MAPKAPK2: variants seen among roughly 807,000 people sequenced by gnomAD.
MAPKAPK2 encodes MAPK activated protein kinase 2.
In MAPKAPK2, 9 loss-of-function variants were observed where a neutral mutation model predicts 48.8. That is an observed-to-expected ratio of 0.18 (90% CI 0.11 to 0.32). The LOEUF is 0.32. MAPKAPK2 is among the 10% of genes least tolerant of loss of function. The pLI, the probability that MAPKAPK2 is intolerant of heterozygous loss-of-function variation, is 1.00. For synonymous variants in MAPKAPK2, 202 were observed against 190.6 expected (o/e 1.06, Z -0.49); for missense variants, 331 against 498.3 (o/e 0.66, Z 3.20).
chr1:206,706,199 C>T (rs1553428532), intron 1 of MAPKAPK2, among the ~76,000 whole-genome samples: 2 of 151,652 alleles, frequency 1.3e-5, no homozygotes, highest in African/African-American at 4.9e-5. Flanking sequence ...CCTGGTCTTC[C>T]CACAGGGACA....
At chr1:206,696,504 A>G (rs1027662749) in intron 1 of MAPKAPK2, among the ~76,000 whole-genome samples, 5 of 152,268 alleles carry the variant, frequency 3.3e-5, no homozygotes, top group African/African-American at 9.6e-5. Context: ...GGAGTTTGAT[A>G]TCAGCCTGGG....
chr1:206,701,831 T>TA (rs1181483621), intron 1 of MAPKAPK2, among the ~76,000 whole-genome samples: 11,206 of 85,734 alleles, frequency 0.13, 1,067 homozygotes, highest in Non-Finnish European at 0.16. Context: ...ACCCTGTCTC[T>TA]AAAAAAAAAA....
Position 206,687,853 on chromosome 1 carries a change from G to A in MAPKAPK2, c.279+2345G>A, listed in dbSNP as rs968145716. On this transcript the variant is annotated intron_variant, in intron 1 of 9. Coordinates refer to ENST00000367103, the MANE Select transcript of MAPKAPK2 (RefSeq NM_032960.4). ...GGGGAGGAGACCTCTATTCTACAGT[G>A]TGCCGAGGCCAATGCTGGGGGCTAG... 2.6e-5 allele frequency among the ~76,000 whole-genome samples: 4 copies of A among 152,362 alleles called. No individual in the cohort carries two copies. The East Asian group carries it at 5.8e-4, about 22-fold the overall frequency.
At chr1:206,688,770 G>T (rs2102371256) in intron 1 of MAPKAPK2, among the ~76,000 whole-genome samples, 1 of 152,184 alleles carries the variant, frequency 6.6e-6, no homozygotes, top group African/African-American at 2.4e-5. Context: ...GAGTAGCTGG[G>T]ACTACAGGCG....
At position 206,731,162 on chromosome 1, in the gene MAPKAPK2, C is replaced by T. The variant is rs565351499; in HGVS notation, c.792C>T (p.Tyr264=). 6.2e-7 allele frequency: 1 copy of T among 1,614,240 alleles called. No individual in the cohort carries two copies. Among genetic ancestry groups the T allele is most frequent in the African/African-American group, 1.3e-5 (1 of 75,060 alleles). ...GGCTGTGTGGGTATCCCCCCTTCTA[C>T]TCCAACCACGGCCTTGCCATCTCTC... ...YILLCGYPPF[Y]SNHGLAISPG... Residue 264 remains tyrosine, a synonymous_variant, in exon 7 of 10, where the codon TAC becomes TAT. Transcript: ENST00000367103. This position sits in a 1 kb window ranked among gnomAD's most constrained non-coding sequence, Gnocchi z 5.9.
At chr1:206,685,585 G>A (rs1572471051) in intron 1 of MAPKAPK2, 77 bp downstream of exon 1, 4 of 1,227,068 alleles carry the variant, frequency 3.3e-6, no homozygotes, top group Non-Finnish European at 3.1e-6. Context: ...TGCCCGTCCC[G>A]GCCTGGGTCG....
intron 1 of MAPKAPK2, among the ~76,000 whole-genome samples, chr1:206,721,019 G>A (rs1188019383): frequency 2.6e-5 from 4 of 152,318 alleles, no homozygotes; most frequent in African/African-American, 9.6e-5. Context: ...TTGGATGTTT[G>A]TTTCTCCCAA....
chr1:206,687,843 A>C (rs1156824713), intron 1 of MAPKAPK2, among the ~76,000 whole-genome samples: 4 of 152,206 alleles, frequency 2.6e-5, no homozygotes, highest in Non-Finnish European at 4.4e-5. Context: ...GGAGACCTCT[A>C]TTCTACAGTG....
chr1:206,707,688 C>T (rs1572493773), intron 1 of MAPKAPK2, among the ~76,000 whole-genome samples: 1 of 152,156 alleles, frequency 6.6e-6, no homozygotes, highest in South Asian at 2.1e-4. Flanking sequence ...TTCTGTGCCC[C>T]AGAGACCTGC....
At chr1:206,691,482 G>GATATATACATATATATATATATATATAT (rs1553426252) in intron 1 of MAPKAPK2, among the ~76,000 whole-genome samples, 28 of 77,286 alleles carry the variant, frequency 3.6e-4, no homozygotes, top group African/African-American at 1.2e-3. Flanking sequence ...TGTATTTTAA[G>GATATATACATATATATATATATATATAT]ATATATATAT....
rs1673945037 is a variant in MAPKAPK2 at position 206,732,372 on chromosome 1, C to A, written c.1060-203C>A. ...TCAGGGAACAGCAGCAGTGCCATAG[C>A]CAGGCTCTCTGCTGCCCAGCGCTGG... On this transcript the variant is annotated intron_variant, in intron 9 of 9. Coordinates refer to ENST00000367103, the MANE Select transcript of MAPKAPK2 (RefSeq NM_032960.4). This position sits in a 1 kb window ranked among gnomAD's most constrained non-coding sequence, Gnocchi z 4.4. 2 of 1,447,730 alleles carry A rather than the reference C, an allele frequency of 1.4e-6. No individual in the cohort carries two copies. The highest frequency in any genetic ancestry group is 2.9e-5 in the African/African-American group (2 of 69,834). The allele number at this position is 1,447,730 out of a possible 1,614,324, so 89.7% of individuals were successfully genotyped here.
rs958185349 is a variant in MAPKAPK2, at chr1:206,697,351, C to G, written c.279+11843C>G. 2.2e-4 allele frequency among the ~76,000 whole-genome samples: 33 copies of G among 152,162 alleles called. 1 individual carries two copies. The highest frequency in any genetic ancestry group is 5.6e-4 in the African/African-American group (23 of 41,432). The stretch of plus-strand genomic sequence containing the variant: ...CACTGTATTAGTCCATTTTGTGTTG[C>G]ACTAAAGGAGTATCTGAGACTGGGT... On this transcript the variant is annotated intron_variant, in intron 1 of 9. Coordinates refer to ENST00000367103, the MANE Select transcript of MAPKAPK2 (RefSeq NM_032960.4).
chr1:206,711,600 C>T (rs375666286), intron 1 of MAPKAPK2, among the ~76,000 whole-genome samples: 9 of 147,322 alleles, frequency 6.1e-5, no homozygotes, highest in African/African-American at 2.0e-4. Flanking sequence ...TCTTAATCTA[C>T]CTCATTCTTT....
At chr1:206,709,541 TAATGTTTGTAAAAATACCACA>T (rs1318344269) in intron 1 of MAPKAPK2, among the ~76,000 whole-genome samples, 1 of 152,180 alleles carries the variant, frequency 6.6e-6, no homozygotes, top group Non-Finnish European at 1.5e-5. Flanking sequence ...TCAGATGAGT[TAATGTTTGTAAAAATACCACA>T]AATCTAAGGT....
chr1:206,689,037 A>AT (rs1382551223), intron 1 of MAPKAPK2, among the ~76,000 whole-genome samples: 1 of 152,152 alleles, frequency 6.6e-6, no homozygotes, highest in Non-Finnish European at 1.5e-5. Context: ...TCACTGTGTC[A>AT]TGGTGACCCT....
At chr1:206,693,850 A>G (rs1344455290) in intron 1 of MAPKAPK2, among the ~76,000 whole-genome samples, 1 of 152,212 alleles carries the variant, frequency 6.6e-6, no homozygotes, top group Non-Finnish European at 1.5e-5. Context: ...TCCAAGAATA[A>G]CTGGGCCCTG....
At position 206,696,024 on chromosome 1, in the gene MAPKAPK2, G is replaced by A. The variant is rs1283997046; in HGVS notation, c.279+10516G>A. ...GTGTAGGGCAGTGATACCCAGCTCT[G>A]GGCCACATCCCGGGCAGCCAACATA... On this transcript the variant is annotated intron_variant, in intron 1 of 9. Coordinates refer to ENST00000367103, the MANE Select transcript of MAPKAPK2 (RefSeq NM_032960.4). 8 of 803,252 alleles carry A rather than the reference G, an allele frequency of 1.0e-5. No homozygotes were observed. In the Admixed American group the frequency reaches 1.4e-4, roughly 14 times the overall value. The allele number at this position is 803,252 out of a possible 1,614,324, so 49.8% of individuals were successfully genotyped here.
At chr1:206,712,218 C>G (rs868947673) in intron 1 of MAPKAPK2, among the ~76,000 whole-genome samples, 13 of 152,116 alleles carry the variant, frequency 8.5e-5, no homozygotes, top group African/African-American at 3.1e-4. Context: ...AAAAAAAGAT[C>G]TTACTGAGTC....
intron 5 of MAPKAPK2, among the ~76,000 whole-genome samples, chr1:206,730,473 T>C (rs1427240281): frequency 6.6e-6 from 1 of 152,178 alleles, no homozygotes; most frequent in Non-Finnish European, 1.5e-5. Context: ...AGTTCAGGAT[T>C]TTTAGAATCT....
Sources: gnomAD v4.1 joint callset for allele counts (sites outside exome capture counted in the v4.1 genomes callset) on GRCh38, gnomAD v4.1.1 for gene constraint, Gnocchi (gnomAD v3.1) non-coding constraint, MANE v1.5 for transcripts, NCBI Gene and HGNC (gene_info 2026-07-23, HGNC 2026-07-21) for gene names.